The following NKAIN2 variants were observed in gnomAD, a reference collection of about 807,000 sequenced individuals.
NKAIN2 encodes the protein sodium/potassium-transporting ATPase subunit beta-1-interacting protein 2.
In NKAIN2, 14 loss-of-function variants were observed where a neutral mutation model predicts 32.6. The observed-to-expected ratio is 0.43, with a 90% CI of 0.28 to 0.67. The LOEUF is 0.67. Ranked by LOEUF, NKAIN2 falls within the 30% of genes least tolerant of loss-of-function variation. The pLI is 0.17. For synonymous variants in NKAIN2, 80 were observed against 87.2 expected, an observed-to-expected ratio of 0.92 and a Z score of 0.46; for missense variants, 198 against 258.3, an observed-to-expected ratio of 0.77 and a Z score of 1.60.
intron 1 of NKAIN2, among the ~76,000 whole-genome samples, chr6:123,886,192 T>C (rs1399635269): frequency 6.6e-6 from 1 of 152,102 alleles, no homozygotes; most frequent in Non-Finnish European, 1.5e-5. Context: ...AGTTGATAGT[T>C]TGGCAGAAGT....
chr6:124,222,489 A>G (rs780690823), intron 1 of NKAIN2, among the ~76,000 whole-genome samples: 1 of 152,208 alleles, frequency 6.6e-6, no homozygotes, highest in African/African-American at 2.4e-5. Flanking sequence ...TAGTCAGGAA[A>G]TGCCTAATGG....
At chr6:124,309,601 C>A (rs936686814) in intron 2 of NKAIN2, among the ~76,000 whole-genome samples, 1 of 151,982 alleles carries the variant, frequency 6.6e-6, no homozygotes, top group Non-Finnish European at 1.5e-5. Flanking sequence ...CAATGTATGT[C>A]TTTATTTGTG....
intron 3 of NKAIN2, among the ~76,000 whole-genome samples, chr6:124,454,152 A>G (rs1475590432): frequency 6.7e-6 from 1 of 149,776 alleles, no homozygotes; most frequent in Non-Finnish European, 1.5e-5. Context: ...GTTCATGTAC[A>G]TTAGACCAAA....
chr6:124,684,277 A>G (rs1773759033), intron 4 of NKAIN2, among the ~76,000 whole-genome samples: 1 of 152,162 alleles, frequency 6.6e-6, no homozygotes, highest in Non-Finnish European at 1.5e-5. Context: ...CAGCCTAATG[A>G]CTTGTAGTGG....
In NKAIN2 at chr6:124,596,138, C is replaced by T. The variant is rs1156712781; in HGVS notation, c.274-62048C>T. On this transcript the variant is annotated intron_variant, in intron 3 of 6. Transcript: ENST00000368417. ...AAGGAAACACTGATGCCTTGGTCTT[C>T]ATGTTGATATTTACTTAGCAGGACC... 2.0e-5 allele frequency among the ~76,000 whole-genome samples: 3 copies of T among 152,176 alleles called. No individual in the cohort carries two copies. The East Asian group carries it at 5.8e-4, about 29-fold the overall frequency.
chr6:124,063,923 A>G (rs763602556), intron 1 of NKAIN2, among the ~76,000 whole-genome samples: 1 of 152,028 alleles, frequency 6.6e-6, no homozygotes, highest in African/African-American at 2.4e-5. Flanking sequence ...TTTATACTGT[A>G]CTAACATATT....
intron 1 of NKAIN2, among the ~76,000 whole-genome samples, chr6:124,221,870 A>T (rs1309085239): frequency 6.6e-6 from 1 of 152,208 alleles, no homozygotes; most frequent in East Asian, 1.9e-4. Flanking sequence ...AGGAAGAATG[A>T]GTGTTCGCTC....
intron 3 of NKAIN2, among the ~76,000 whole-genome samples, chr6:124,412,156 C>T (rs62436312): frequency 0.023 from 3,493 of 152,164 alleles, 91 homozygotes; most frequent in Non-Finnish European, 0.033. Flanking sequence ...GTAGTTCGAT[C>T]TTCTGAAGCC....
intron 2 of NKAIN2, among the ~76,000 whole-genome samples, chr6:124,317,518 C>G (rs1030303705): frequency 6.6e-6 from 1 of 152,016 alleles, no homozygotes; most frequent in Non-Finnish European, 1.5e-5. Flanking sequence ...GCAGGGTGCT[C>G]TCATTGTTTT....
At chr6:124,644,629 C>A (rs1784105495) in intron 3 of NKAIN2, among the ~76,000 whole-genome samples, 1 of 152,126 alleles carries the variant, frequency 6.6e-6, no homozygotes, top group African/African-American at 2.4e-5. Context: ...TGGTCTTGAT[C>A]TCCTGACCTT....
At chr6:124,244,460 T>C (rs1015331988) in intron 1 of NKAIN2, among the ~76,000 whole-genome samples, 2 of 151,896 alleles carry the variant, frequency 1.3e-5, no homozygotes, top group South Asian at 2.1e-4. Flanking sequence ...ATGGTGTATA[T>C]GTAAAAGATA....
chr6:124,224,706 C>G (rs1792015624), intron 1 of NKAIN2, among the ~76,000 whole-genome samples: 1 of 152,070 alleles, frequency 6.6e-6, no homozygotes, highest in Non-Finnish European at 1.5e-5. Context: ...AAATCTTGAT[C>G]TTTTCACATT....
chr6:124,089,898 G>C (rs1784346533), intron 1 of NKAIN2, among the ~76,000 whole-genome samples: 3 of 151,904 alleles, frequency 2.0e-5, no homozygotes, highest in Admixed American at 1.3e-4. Flanking sequence ...TTAGTACTAA[G>C]TGGCAGACCA....
At chr6:123,899,816 G>A (rs1466288808) in intron 1 of NKAIN2, among the ~76,000 whole-genome samples, 1 of 152,128 alleles carries the variant, frequency 6.6e-6, no homozygotes, top group African/African-American at 2.4e-5. Flanking sequence ...GCATATACCT[G>A]TTGAACACAC....
chr6:124,449,230 A>T (rs1562192133), intron 3 of NKAIN2, among the ~76,000 whole-genome samples: 2 of 151,402 alleles, frequency 1.3e-5, no homozygotes, highest in East Asian at 1.9e-4. Context: ...GTGTGTTTTA[A>T]TTTTTTTTTC....
At chr6:123,980,400 G>A (rs1778832625) in intron 1 of NKAIN2, among the ~76,000 whole-genome samples, 2 of 152,138 alleles carry the variant, frequency 1.3e-5, no homozygotes, top group South Asian at 4.1e-4. Flanking sequence ...GCTTGACTCA[G>A]CCCAAGTCAG....
intron 3 of NKAIN2, among the ~76,000 whole-genome samples, chr6:124,619,108 T>C (rs1445835140): frequency 6.6e-6 from 1 of 152,154 alleles, no homozygotes; most frequent in Non-Finnish European, 1.5e-5. Flanking sequence ...GGAAGAGAAT[T>C]ACATTACATA....
At chr6:123,992,585 G>A (rs73557075) in intron 1 of NKAIN2, among the ~76,000 whole-genome samples, 10,579 of 152,180 alleles carry the variant, frequency 0.07, 536 homozygotes, top group Admixed American at 0.14. Context: ...TATTTACTGA[G>A]TTAAGACATT....
intron 3 of NKAIN2, among the ~76,000 whole-genome samples, chr6:124,532,165 G>A (rs1003937854): frequency 6.6e-6 from 1 of 152,194 alleles, no homozygotes; most frequent in Admixed American, 6.5e-5. Context: ...CGTGGAAGAA[G>A]GTGCAGGGAG....
Sources: allele counts gnomAD v4.1 joint callset (sites outside exome capture counted in the v4.1 genomes callset), GRCh38; gene constraint gnomAD v4.1.1; transcripts MANE v1.5; gene names NCBI Gene and HGNC (gene_info 2026-07-23, HGNC 2026-07-21).